ANKS1B: variants seen among roughly 807,000 people sequenced by gnomAD.
ANKS1B encodes ankyrin repeat and sterile alpha motif domain-containing protein 1B.
ANKS1B carries 36 observed loss-of-function variants against 148.3 expected under a neutral mutation model. That is an observed-to-expected ratio of 0.24 (90% CI 0.19 to 0.32). ANKS1B has a LOEUF of 0.32. ANKS1B is among the 10% of genes least tolerant of loss of function. The pLI, the probability that ANKS1B is intolerant of heterozygous loss-of-function variation, is 1.00. For missense variants in ANKS1B, 1,157 were observed against 1,542.6 expected, an observed-to-expected ratio of 0.75 and a Z score of 4.19; for synonymous variants, 542 against 560.8, an observed-to-expected ratio of 0.97 and a Z score of 0.47.
chr12:99,880,005 T>C (rs2092376491), intron 1 of ANKS1B, among the ~76,000 whole-genome samples: 1 of 152,200 alleles, frequency 6.6e-6, no homozygotes, highest in Admixed American at 6.5e-5. Flanking sequence ...TCAGATTGCC[T>C]AGCCTTAAAT....
intron 9 of ANKS1B, among the ~76,000 whole-genome samples, chr12:99,528,040 A>T (rs2096944644): frequency 6.6e-6 from 1 of 152,034 alleles, no homozygotes; most frequent in Non-Finnish European, 1.5e-5. Context: ...GACAAGCAGA[A>T]CAGAGTAGAG....
intron 12 of ANKS1B, among the ~76,000 whole-genome samples, chr12:99,391,690 C>T (rs149143407): frequency 1.1e-3 from 174 of 152,304 alleles, no homozygotes; most frequent in African/African-American, 4.0e-3. Context: ...AACATCACCC[C>T]ATTATCTAAC....
intron 9 of ANKS1B, among the ~76,000 whole-genome samples, chr12:99,594,159 G>C (rs1181995874): frequency 2.0e-5 from 3 of 152,034 alleles, no homozygotes; most frequent in African/African-American, 7.2e-5. Context: ...ACTGTGAAGT[G>C]CTTAAACTGT....
chr12:99,199,666 T>C (rs540744223), intron 14 of ANKS1B, among the ~76,000 whole-genome samples: 3 of 152,278 alleles, frequency 2.0e-5, no homozygotes, highest in African/African-American at 7.2e-5. Context: ...ACTCTCCTCC[T>C]TATAAGGCTC....
intron 17 of ANKS1B, among the ~76,000 whole-genome samples, chr12:98,922,923 A>T (rs1319852237): frequency 6.6e-6 from 1 of 152,128 alleles, no homozygotes; most frequent in Non-Finnish European, 1.5e-5. Context: ...CATGCATCAC[A>T]GTCAATTTCC....
At chr12:98,931,679 C>T (rs1482755855) in intron 17 of ANKS1B, 1 of 152,128 alleles carries the variant, frequency 6.6e-6, no homozygotes. Flanking sequence ...TTCCTAGACA[C>T]TTTTGTGTGT....
At chr12:98,885,923 G>A (rs1047096612) in intron 17 of ANKS1B, among the ~76,000 whole-genome samples, 2 of 152,120 alleles carry the variant, frequency 1.3e-5, no homozygotes, top group South Asian at 2.1e-4. Flanking sequence ...CTCACACTAT[G>A]TCTGGGGAAA....
chr12:99,581,617 G>A (rs1168981431), intron 9 of ANKS1B, among the ~76,000 whole-genome samples: 7 of 152,116 alleles, frequency 4.6e-5, no homozygotes, highest in African/African-American at 1.4e-4. Context: ...TCGGCCGGGC[G>A]CGGTGGCTCA....
intron 8 of ANKS1B, among the ~76,000 whole-genome samples, chr12:99,718,094 G>A (rs549861757): frequency 1.3e-4 from 20 of 151,582 alleles, no homozygotes; most frequent in East Asian, 7.8e-4. Flanking sequence ...TAGTAGAGAC[G>A]GGGTTTCACC....
rs573927860 is a variant in ANKS1B, at chr12:99,742,090, G to A, written c.1128+30832C>T. Among the ~76,000 whole-genome samples the A allele has an allele frequency of 2.6e-5, 4 of 151,918 alleles. No individual in the cohort carries two copies. In the East Asian group the frequency reaches 7.8e-4, roughly 30 times the overall value. The stretch of plus-strand genomic sequence containing the variant: ...CACATACAGCGGAACAATACACACT[G>A]GAGCCTATTGGAGGGTGGAAGGTGG... On this transcript the variant is annotated intron_variant, in intron 8 of 26. Coordinates refer to ENST00000683438, the MANE Select transcript of ANKS1B (RefSeq NM_001352186.2).
At chr12:99,242,430 G>A (rs191210038) in intron 14 of ANKS1B, among the ~76,000 whole-genome samples, 71 of 152,256 alleles carry the variant, frequency 4.7e-4, no homozygotes, top group African/African-American at 1.6e-3. Flanking sequence ...CATGCTCATG[G>A]ATAAGAAGAA....
In ANKS1B at chr12:99,510,677, A is replaced by G. The variant is rs191573633; in HGVS notation, c.1273-6036T>C. Among the ~76,000 whole-genome samples, 7 of 152,198 alleles carry G rather than the reference A, an allele frequency of 4.6e-5. No individual in the cohort carries two copies. In the East Asian group the frequency reaches 1.2e-3, roughly 25 times the overall value. ...TAGAAATGATAACAAAGGATTTAGA[A>G]TATTACATAAACTTCATTGATAAAG... On this transcript the variant is annotated intron_variant, in intron 9 of 26. Transcript: ENST00000683438.
chr12:99,189,228 G>A (rs1484769306), intron 14 of ANKS1B, among the ~76,000 whole-genome samples: 1 of 152,098 alleles, frequency 6.6e-6, no homozygotes, highest in African/African-American at 2.4e-5. Flanking sequence ...AAAAGTCCAG[G>A]ACCAAACGGA....
chr12:99,096,434 G>T (rs2056147883), intron 15 of ANKS1B, among the ~76,000 whole-genome samples: 1 of 152,110 alleles, frequency 6.6e-6, no homozygotes. Context: ...AAAATTCGGT[G>T]ATGGGAAAAC....
chr12:99,775,712 A>G, intron 6 of ANKS1B, 51 bp from the exon 7 acceptor site: 1 of 1,093,492 alleles, frequency 9.1e-7, no homozygotes, highest in South Asian at 1.9e-5. Context: ...TTATTTTAAA[A>G]TCAATAAATT....
intron 11 of ANKS1B, among the ~76,000 whole-genome samples, chr12:99,413,503 T>A (rs1043205515): frequency 6.6e-6 from 1 of 152,176 alleles, no homozygotes; most frequent in South Asian, 2.1e-4. Flanking sequence ...ATTGATTTTT[T>A]TAAAAATCTA....
chr12:99,562,823 C>T (rs1172619147), intron 9 of ANKS1B, among the ~76,000 whole-genome samples: 1 of 152,188 alleles, frequency 6.6e-6, no homozygotes, highest in African/African-American at 2.4e-5. Flanking sequence ...ATTTGGATTA[C>T]AATTCAAGAT....
At chr12:99,264,086 TTA>T (rs1360433909) in intron 12 of ANKS1B, among the ~76,000 whole-genome samples, 1 of 152,164 alleles carries the variant, frequency 6.6e-6, no homozygotes, top group Non-Finnish European at 1.5e-5. Context: ...ATCTAGATTC[TTA>T]TATGACTTTT....
At position 98,905,693 on chromosome 12, in the gene ANKS1B, G is replaced by A. The variant is rs1035785877; in HGVS notation, c.2779-73557C>T. On this transcript the variant is annotated intron_variant, in intron 17 of 26. Coordinates refer to ENST00000683438, the MANE Select transcript of ANKS1B (RefSeq NM_001352186.2). ...AGGGTGAGGCAAGAGGATCACTTGC[G>A]CCCAGGAAGTTGAGGCTGTAGTGAG... Among the ~76,000 whole-genome samples the A allele has an allele frequency of 8.6e-5, 13 of 152,036 alleles. No homozygotes were observed. In the South Asian group the frequency reaches 1.2e-3, roughly 15 times the overall value.
Sources: allele counts gnomAD v4.1 joint callset (sites outside exome capture counted in the v4.1 genomes callset), GRCh38; gene constraint gnomAD v4.1.1; transcripts MANE v1.5; gene names NCBI Gene and HGNC (gene_info 2026-07-23, HGNC 2026-07-21).